SYT2: variants seen among roughly 807,000 people sequenced by gnomAD.
SYT2 encodes the protein synaptotagmin 2, also known as synaptotagmin-2.
Under a neutral mutation model 39.9 loss-of-function variants are expected in SYT2, and 15 were observed. The ratio of observed to expected loss-of-function variants is 0.38; its 90% CI spans 0.25 to 0.58. The LOEUF (loss-of-function observed/expected upper bound fraction) is 0.58, where lower values mean the gene tolerates loss of function less well. SYT2 is among the 20% of genes least tolerant of loss of function. The pLI is 0.70. For missense variants in SYT2, 389 were observed against 530.3 expected (o/e 0.73, Z 2.62); for synonymous variants, 181 against 204.5 (o/e 0.89, Z 0.98).
intron 1 of SYT2, chr1:202,636,585 G>T (rs1295915622): frequency 6.3e-6 from 1 of 158,480 alleles, no homozygotes; most frequent in Non-Finnish European, 1.4e-5. Context: ...TTAATAGTGG[G>T]TTCACTGGAT....
chr1:202,604,818 C>CTTT (rs59944538), intron 2 of SYT2, among the ~76,000 whole-genome samples, 197 bp from the exon 3 acceptor site: 38 of 71,628 alleles, frequency 5.3e-4, no homozygotes, highest in African/African-American at 1.2e-3. Flanking sequence ...TCATGCCTTG[C>CTTT]TTTTTTTTTT....
intron 1 of SYT2, among the ~76,000 whole-genome samples, chr1:202,678,043 G>A (rs992641716): frequency 6.6e-6 from 1 of 152,144 alleles, no homozygotes; most frequent in African/African-American, 2.4e-5. Flanking sequence ...AGAGGCCAAG[G>A]CGGGTGGATC....
At chr1:202,702,191 G>T (rs757545930) in intron 1 of SYT2, among the ~76,000 whole-genome samples, 2 of 152,190 alleles carry the variant, frequency 1.3e-5, no homozygotes, top group African/African-American at 2.4e-5. Context: ...TGGGGGTGGA[G>T]CACGCCTCCC....
chr1:202,670,975 G>T (rs1692576227), intron 1 of SYT2, among the ~76,000 whole-genome samples: 1 of 152,158 alleles, frequency 6.6e-6, no homozygotes, highest in South Asian at 2.1e-4. Flanking sequence ...GGGTCAGCTG[G>T]GCCTGAGTCT....
chr1:202,665,838 C>T (rs1455396247), intron 1 of SYT2, among the ~76,000 whole-genome samples: 1 of 152,122 alleles, frequency 6.6e-6, no homozygotes, highest in Non-Finnish European at 1.5e-5. Context: ...ATTTAAGAAG[C>T]AAATCACAAA....
chr1:202,683,095 C>T lies in SYT2; in HGVS notation c.-18+27163G>A, dbSNP rs559367279. 1.3e-4 allele frequency among the ~76,000 whole-genome samples: 20 copies of T among 152,182 alleles called. 1 individual carries two copies. The South Asian group carries it at 3.7e-3, about 28-fold the overall frequency. On this transcript the variant is annotated intron_variant, in intron 1 of 8. Transcript: ENST00000367268. The stretch of plus-strand genomic sequence containing the variant: ...GGCTAAAGTAAAAAGACAGAGAATA[C>T]CAAAACATGGAGGAGCAGGAATTCG...
At chr1:202,697,124 G>A (rs139501108) in intron 1 of SYT2, among the ~76,000 whole-genome samples, 5 of 152,322 alleles carry the variant, frequency 3.3e-5, no homozygotes, top group African/African-American at 7.2e-5. Context: ...AGCTCCTAAC[G>A]GCAGATGGCA....
intron 1 of SYT2, among the ~76,000 whole-genome samples, chr1:202,666,513 G>T (rs1692484268): frequency 6.6e-6 from 1 of 151,902 alleles, no homozygotes; most frequent in Non-Finnish European, 1.5e-5. Context: ...CTGGGGTAGG[G>T]CAGGAGAAGA....
chr1:202,662,865 T>C (rs1028012646), intron 1 of SYT2, among the ~76,000 whole-genome samples: 1 of 152,142 alleles, frequency 6.6e-6, no homozygotes, highest in African/African-American at 2.4e-5. Flanking sequence ...GTGTACAGAA[T>C]AGATTTGCAA....
rs1453564315 is a variant in SYT2 at position 202,593,654 on chromosome 1, A to T, written c.*3103T>A. The T allele has an allele frequency of 6.6e-6, 1 of 152,040 alleles. No homozygotes were observed. Among genetic ancestry groups the T allele is most frequent in the Non-Finnish European group, 1.5e-5 (1 of 68,034 alleles). The allele number at this position is 152,040 out of a possible 1,614,324, so 9.4% of individuals were successfully genotyped here. A position where few individuals can be genotyped will look rare whatever the true frequency, so the allele number is the denominator to read the frequency against. The stretch of plus-strand genomic sequence containing the variant: ...CAGCCTTCCCCAGGCCTCAGCTTCC[A>T]CTTCCAAAGCCCAAAAATCTGCCTG... On this transcript the variant is annotated 3_prime_UTR_variant, in exon 9 of 9. Coordinates refer to ENST00000367268, the MANE Select transcript of SYT2 (RefSeq NM_177402.5).
rs571429564 is a variant in SYT2, at chr1:202,633,736, G to C, written c.-17-27947C>G. On this transcript the variant is annotated intron_variant, in intron 1 of 8. Transcript: ENST00000367268. ...TGAGAGAGCCAGAGCTAGAATCCAG[G>C]GCCCTTTCCATGATATTGCACCTCC... Among the ~76,000 whole-genome samples the C allele has an allele frequency of 2.2e-4, 33 of 152,236 alleles. No homozygotes were observed. The South Asian group carries it at 2.9e-3, about 13-fold the overall frequency.
intron 1 of SYT2, among the ~76,000 whole-genome samples, chr1:202,608,829 TC>T (rs1349411221): frequency 2.6e-5 from 4 of 152,210 alleles, no homozygotes; most frequent in African/African-American, 9.7e-5. Flanking sequence ...CAATTTATGT[TC>T]CCACCAGCAA....
chr1:202,666,969 G>A (rs957798797), intron 1 of SYT2, among the ~76,000 whole-genome samples: 4 of 152,120 alleles, frequency 2.6e-5, no homozygotes, highest in African/African-American at 7.2e-5. Flanking sequence ...GCAACTGAGC[G>A]AAACTCTGTC....
intron 1 of SYT2, among the ~76,000 whole-genome samples, chr1:202,701,404 T>C (rs1654117783): frequency 6.6e-6 from 1 of 152,232 alleles, no homozygotes; most frequent in African/African-American, 2.4e-5. Context: ...TTGTGTAATA[T>C]TTCTGTAAGA....
chr1:202,660,403 A>G (rs2149105489), intron 1 of SYT2, among the ~76,000 whole-genome samples: 1 of 152,296 alleles, frequency 6.6e-6, no homozygotes, highest in African/African-American at 2.4e-5. Flanking sequence ...TGGTGGCTAC[A>G]ACTTCTGTTA....
intron 1 of SYT2, among the ~76,000 whole-genome samples, chr1:202,653,338 A>C (rs1237756017): frequency 1.3e-5 from 2 of 152,060 alleles, no homozygotes; most frequent in Non-Finnish European, 2.9e-5. Flanking sequence ...CTCCTCACTC[A>C]TCACCTCAGT....
At chr1:202,708,182 G>A (rs937059613) in intron 1 of SYT2, among the ~76,000 whole-genome samples, 1 of 152,026 alleles carries the variant, frequency 6.6e-6, no homozygotes. Context: ...CCTGTTCTGC[G>A]GATGTCAGAC....
rs1553333592 is a variant in SYT2, at chr1:202,594,701, T to TACGCACACACACACACAC, written c.*2055_*2056insGTGTGTGTGTGTGTGCGT. 1 of 143,382 alleles carries TACGCACACACACACACAC rather than the reference T, an allele frequency of 7.0e-6. No homozygotes were observed. The highest frequency in any genetic ancestry group is 1.5e-5 in the Non-Finnish European group (1 of 65,516). 8.9% of individuals were successfully genotyped at this position (143,382 alleles called of 1,614,324 possible). A position where few individuals can be genotyped will look rare whatever the true frequency, so the allele number is the denominator to read the frequency against. ...AGAGTCTTACCTTCCCATCATTAAG[T>TACGCACACACACACACAC]ACACACACACACACACACACACACA... On this transcript the variant is annotated 3_prime_UTR_variant, in exon 9 of 9. Coordinates refer to ENST00000367268, the MANE Select transcript of SYT2 (RefSeq NM_177402.5).
intron 1 of SYT2, chr1:202,630,326 T>C: frequency 1.0e-6 from 1 of 977,642 alleles, no homozygotes; most frequent in Non-Finnish European, 1.2e-6. Context: ...GGAGGACACA[T>C]GGGGAGAGGG....
Sources: gnomAD v4.1 joint callset for allele counts (sites outside exome capture counted in the v4.1 genomes callset) on GRCh38, gnomAD v4.1.1 for gene constraint, MANE v1.5 for transcripts, NCBI Gene and HGNC (gene_info 2026-07-23, HGNC 2026-07-21) for gene names.